The following ACAP1 variants were observed in gnomAD, a reference collection of about 807,000 sequenced individuals.
The protein encoded by ACAP1 is arf-GAP with coiled-coil, ANK repeat and PH domain-containing protein 1.
ACAP1 carries 45 observed loss-of-function variants against 98.8 expected under a neutral mutation model. That is an observed-to-expected ratio of 0.46 (90% confidence interval 0.36 to 0.58). The LOEUF (loss-of-function observed/expected upper bound fraction) is 0.58. ACAP1 is among the 20% of genes least tolerant of loss of function. ACAP1 has a pLI of 0.00. For synonymous variants in ACAP1, 362 were observed against 375.3 expected, an observed-to-expected ratio of 0.96 and a Z score of 0.41; for missense variants, 735 against 971.4, an observed-to-expected ratio of 0.76 and a Z score of 3.24.
At position 7,344,126 on chromosome 17, in the gene ACAP1, G is replaced by A. The variant is rs1355877552; in HGVS notation, c.744+3G>A. 1 of 1,567,470 alleles carries A rather than the reference G, an allele frequency of 6.4e-7. No individual in the cohort carries two copies. The highest frequency in any genetic ancestry group is 8.7e-7 in the Non-Finnish European group (1 of 1,155,882). On this transcript the variant is annotated splice_donor_region_variant and intron_variant, in intron 9 of 21. Transcript: ENST00000158762. This position sits in a 1 kb window ranked among gnomAD's most constrained non-coding sequence, Gnocchi z 4.9. ...GACACGTGCTGCTGAAACAGAAGGT[G>A]AGGGGCCAGGTGCGGTGGCCCACGA...
rs750760122 is a variant in ACAP1, at chr17:7,344,617, C to T, written c.823C>T (p.Arg275Trp). The change falls in exon 10 of 22, where the codon CGG (arginine) becomes TGG (tryptophan). Residue 275 changes from arginine (R) to tryptophan (W), a missense_variant. Arg to Trp is a moderately radical substitution (Grantham distance 101). This residue lies in a region of ACAP1 where 430 missense variants were observed against 531.8 expected (regional missense o/e 0.81). Transcript: ENST00000158762. The surrounding 1 kb of genome is among the most constrained non-coding windows in gnomAD (Gnocchi z 4.9). ...GLVMEGHLFK[R>W]ASNAFKTWSR... ...GGTGATGGAAGGACATCTCTTCAAA[C>T]GGGCCAGCAACGCATTTAAGACCTG... 15 of 1,551,132 alleles carry T rather than the reference C, an allele frequency of 9.7e-6. No individual in the cohort carries two copies. Among genetic ancestry groups the T allele is most frequent in the African/African-American group, 2.7e-5 (2 of 72,936 alleles).
chr17:7,351,173 C>T, intron 21 of ACAP1, 122 bp from the exon 22 acceptor site: 12 of 1,095,942 alleles, frequency 1.1e-5, no homozygotes, highest in South Asian at 7.4e-5. Flanking sequence ...GGCGCAGTGC[C>T]CGCGGCGCGC....
chr17:7,346,981 C>T (rs766044081), intron 13 of ACAP1, 50 bp downstream of exon 13: 11 of 1,585,632 alleles, frequency 6.9e-6, no homozygotes, highest in South Asian at 1.1e-5. Flanking sequence ...AGATGGGGCA[C>T]CCTTTACCCT....
At chr17:7,339,633 C>T (rs374872589) in intron 2 of ACAP1, among the ~76,000 whole-genome samples, 4 of 152,170 alleles carry the variant, frequency 2.6e-5, no homozygotes, top group African/African-American at 7.2e-5. Context: ...CCGGCGTGGG[C>T]GACAGACCAA....
At chr17:7,340,456 A>G (rs2073264755) in intron 2 of ACAP1, among the ~76,000 whole-genome samples, 1 of 152,208 alleles carries the variant, frequency 6.6e-6, no homozygotes, top group Non-Finnish European at 1.5e-5. Flanking sequence ...ATGGTAAGGA[A>G]AAAAACTAGA....
intron 18 of ACAP1, chr17:7,349,690 A>G (rs544841928): frequency 4.1e-5 from 18 of 442,926 alleles, no homozygotes; most frequent in African/African-American, 2.2e-4. Flanking sequence ...GAGACTTTTA[A>G]CAAGTTATTA....
Position 7,348,909 on chromosome 17 carries a change from C to A in ACAP1, c.1679-86C>A, listed in dbSNP as rs116296818. ...TCCCCATCATTTAGAAGAGACCTGT[C>A]CCATTATAGCATTGGGACACTGCTG... is the stretch of plus-strand genomic sequence containing the variant. On this transcript the variant is annotated intron_variant, in intron 17 of 21. Coordinates refer to ENST00000158762, the MANE Select transcript of ACAP1 (RefSeq NM_014716.4). The A allele has an allele frequency of 1.2e-4, 152 of 1,254,144 alleles. No homozygotes were observed. In the African/African-American group the frequency reaches 2.0e-3, roughly 16 times the overall value. The allele number at this position is 1,254,144 out of a possible 1,614,324, so 77.7% of individuals were successfully genotyped here.
At chr17:7,340,811 A>C (rs1216941649) in intron 2 of ACAP1, among the ~76,000 whole-genome samples, 1 of 152,116 alleles carries the variant, frequency 6.6e-6, no homozygotes, top group Non-Finnish European at 1.5e-5. Flanking sequence ...ATGCCATTGC[A>C]CTCCAGCTTG....
At chr17:7,337,226 C>A in intron 1 of ACAP1, 86 bp from the exon 2 acceptor site, 1 of 1,290,548 alleles carries the variant, frequency 7.7e-7, no homozygotes, top group Non-Finnish European at 1.1e-6. Context: ...TCCTCCGTAC[C>A]CACCGCCCTG....
Position 7,344,593 on chromosome 17 carries a change from G to T in ACAP1, c.799G>T (p.Val267Leu). Residue 267 changes from valine (V) to leucine (L), a missense_variant, in exon 10 of 22, where the codon GTG becomes TTG. Transcript: ENST00000158762. This position sits in a 1 kb window ranked among gnomAD's most constrained non-coding sequence, Gnocchi z 4.9. ...CTTAAGAGAGGGGCCTGGTGGCCTG[G>T]TGATGGAAGGACATCTCTTCAAACG... is the stretch of plus-strand genomic sequence containing the variant. ...PSLREGPGGLVMEGHLFKRAS... is the reference protein window; with the variant it reads ...PSLREGPGGLLMEGHLFKRAS... The T allele has an allele frequency of 6.4e-7, 1 of 1,551,540 alleles. No homozygotes were observed. Among genetic ancestry groups the T allele is most frequent in the Non-Finnish European group, 8.7e-7 (1 of 1,146,976 alleles).
In ACAP1 at chr17:7,343,989, G is replaced by C; in HGVS notation, c.669+33G>C. ...CCCAGGGCACAGCAGGTGGTAGAGG[G>C]AGGTTAGGGACTCCTAACTGGGGGG... On this transcript the variant is annotated intron_variant, in intron 8 of 21. Coordinates refer to ENST00000158762, the MANE Select transcript of ACAP1 (RefSeq NM_014716.4). This position sits in a 1 kb window ranked among gnomAD's most constrained non-coding sequence, Gnocchi z 4.9. The C allele has an allele frequency of 6.3e-7, 1 of 1,574,942 alleles. No homozygotes were observed. Among genetic ancestry groups the C allele is most frequent in the Non-Finnish European group, 8.6e-7 (1 of 1,159,546 alleles).
rs767685406 is a variant in ACAP1, at chr17:7,347,916, C to A, written c.1344-6C>A. 31 of 1,614,102 alleles carry A rather than the reference C, an allele frequency of 1.9e-5. No homozygotes were observed. The highest frequency in any genetic ancestry group is 2.5e-5 in the Non-Finnish European group (30 of 1,179,946). ...AGGGCCTGACCCTCCCCCTCTGGCC[C>A]TCCAGGAGCCTTGGTGTTCACTTCT... On this transcript the variant is annotated splice_region_variant and splice_polypyrimidine_tract_variant and intron_variant, in intron 14 of 21. Transcript: ENST00000158762.
chr17:7,350,764 C>T lies in ACAP1; in HGVS notation c.2073-186C>T, dbSNP rs1408138077. ...TAGCTGGGACTACAGGCGTGCGCCA[C>T]CACCCCCGGCTAATTTTTTGTATTT... On this transcript the variant is annotated intron_variant, in intron 20 of 21. Transcript: ENST00000158762. This position sits in a 1 kb window ranked among gnomAD's most constrained non-coding sequence, Gnocchi z 4.6. 5.3e-6 allele frequency: 3 copies of T among 565,788 alleles called. No homozygotes were observed. The highest frequency in any genetic ancestry group is 9.5e-6 in the Non-Finnish European group (3 of 316,712). 35.0% of individuals were successfully genotyped at this position (565,788 alleles called of 1,614,324 possible). A position where few individuals can be genotyped will look rare whatever the true frequency, so the allele number is the denominator to read the frequency against.
chr17:7,341,858 G>T, intron 2 of ACAP1, 90 bp from the exon 3 acceptor site: 3 of 1,578,272 alleles, frequency 1.9e-6, no homozygotes, highest in Non-Finnish European at 2.6e-6. Flanking sequence ...CGCCGCCCTG[G>T]GCAAGGGGAG....
In ACAP1 at chr17:7,342,402, TCTC is replaced by T. The variant is rs763718451; in HGVS notation, c.286-11_286-9del. On this transcript the variant is annotated splice_polypyrimidine_tract_variant and intron_variant, in intron 4 of 21. Coordinates refer to ENST00000158762, the MANE Select transcript of ACAP1 (RefSeq NM_014716.4). ...TGGTCCTGACCCCAGTCTACCAACTTCTCCTTCCCTCAGGAGCTTCTAGATGCC... is the reference window on the plus strand; with the variant it reads ...TGGTCCTGACCCCAGTCTACCAACTTCTTCCCTCAGGAGCTTCTAGATGCC... 6 of 1,613,926 alleles carry T rather than the reference TCTC, an allele frequency of 3.7e-6. No individual in the cohort carries two copies. In the African/African-American group the frequency reaches 5.3e-5, roughly 14 times the overall value.
intron 18 of ACAP1, 112 bp downstream of exon 18, chr17:7,349,279 C>A: frequency 8.5e-7 from 1 of 1,180,034 alleles, no homozygotes; most frequent in Non-Finnish European, 1.2e-6. Context: ...GGGCTTCCAC[C>A]CATAGGGAGA....
At chr17:7,349,611 G>A (rs1032591423) in intron 18 of ACAP1, 5 of 290,820 alleles carry the variant, frequency 1.7e-5, no homozygotes, top group African/African-American at 1.1e-4. Context: ...TCCTGACCTT[G>A]TGATCCACCC....
rs775409034 is a variant in ACAP1 at position 7,342,412 on chromosome 17, T to G, written c.286-4T>G. On this transcript the variant is annotated splice_polypyrimidine_tract_variant and splice_region_variant and intron_variant, in intron 4 of 21. Coordinates refer to ENST00000158762, the MANE Select transcript of ACAP1 (RefSeq NM_014716.4). ...CCCAGTCTACCAACTTCTCCTTCCC[T>G]CAGGAGCTTCTAGATGCCACCCAAC... 6.2e-7 allele frequency: 1 copy of G among 1,614,076 alleles called. No homozygotes were observed. Among genetic ancestry groups the G allele is most frequent in the South Asian group, 1.1e-5 (1 of 91,078 alleles).
At chr17:7,351,249 C>A in intron 21 of ACAP1, 46 bp from the exon 22 acceptor site, 1 of 1,517,260 alleles carries the variant, frequency 6.6e-7, no homozygotes. Flanking sequence ...TCCTGCCCTT[C>A]TGCACTGGGG....
Sources: allele counts gnomAD v4.1 joint callset (sites outside exome capture counted in the v4.1 genomes callset), GRCh38; gene constraint gnomAD v4.1.1; regional missense constraint gnomAD v4.1.1; non-coding constraint Gnocchi (gnomAD v3.1); transcripts MANE v1.5; gene names NCBI Gene and HGNC (gene_info 2026-07-23, HGNC 2026-07-21).